The following PAX3 variants were observed in gnomAD, a reference collection of about 807,000 sequenced individuals.
The protein encoded by PAX3 is paired box 3, also known as paired box protein Pax-3.
A neutral mutation model predicts 51.6 loss-of-function variants in PAX3; 14 were observed. That is an observed-to-expected ratio of 0.27 (90% CI 0.18 to 0.42). The LOEUF is 0.42. PAX3 is among the 10% of genes least tolerant of loss of function. The pLI is 1.00. For missense variants in PAX3, 540 were observed against 642.8 expected (o/e 0.84, Z 1.73); for synonymous variants, 280 against 253.4 (o/e 1.11, Z -1.00).
intron 7 of PAX3, among the ~76,000 whole-genome samples, chr2:222,215,059 A>C (rs1195127171): frequency 6.6e-6 from 1 of 152,178 alleles, no homozygotes; most frequent in Non-Finnish European, 1.5e-5. Context: ...AGAGGAACTC[A>C]AAATTTATGG....
rs914699594 is a variant in PAX3 at position 222,269,958 on chromosome 2, G to A, written c.586+24209C>T. 2.6e-5 allele frequency among the ~76,000 whole-genome samples: 4 copies of A among 152,152 alleles called. No individual in the cohort carries two copies. In the South Asian group the frequency reaches 8.3e-4, roughly 32 times the overall value. Reference sequence around the variant, plus strand: ...AAGAATTTAGTTCGAGCCTAAAATAGTAAAACTGTATCTCTCTATCTACAC... The same window carrying A: ...AAGAATTTAGTTCGAGCCTAAAATAATAAAACTGTATCTCTCTATCTACAC... On this transcript the variant is annotated intron_variant, in intron 4 of 8. Transcript: ENST00000392070.
At chr2:222,269,028 T>C (rs1332248743) in intron 4 of PAX3, among the ~76,000 whole-genome samples, 2 of 152,216 alleles carry the variant, frequency 1.3e-5, no homozygotes, top group Non-Finnish European at 2.9e-5. Context: ...TTCCAGTTAC[T>C]GCTTTTCCCA....
chr2:222,256,008 A>T (rs893430713), intron 4 of PAX3, among the ~76,000 whole-genome samples: 2 of 140,890 alleles, frequency 1.4e-5, no homozygotes, highest in Non-Finnish European at 3.0e-5. Context: ...TGACCTCGTG[A>T]TCTGCCCGCT....
rs1691264521 is a variant in PAX3 at position 222,200,996 on chromosome 2, ACAG to A, written c.*409_*411del. ...TTAGGGTATTCTATTATATTTTAGA[ACAG>A]TCTGCTTGCCCAAACCAGTCTGGGT... On this transcript the variant is annotated 3_prime_UTR_variant, in exon 9 of 9. Coordinates refer to ENST00000392070, the MANE Select transcript of PAX3 (RefSeq NM_181458.4). The A allele has an allele frequency of 1.5e-6, 1 of 651,320 alleles. No homozygotes were observed. Among genetic ancestry groups the A allele is most frequent in the Admixed American group, 2.5e-5 (1 of 39,774 alleles). 40.3% of individuals were successfully genotyped at this position (651,320 alleles called of 1,614,324 possible). A position where few individuals can be genotyped will look rare whatever the true frequency, so the allele number is the denominator to read the frequency against.
chr2:222,209,110 C>T (rs1161453139), intron 7 of PAX3, among the ~76,000 whole-genome samples: 1 of 152,124 alleles, frequency 6.6e-6, no homozygotes. Flanking sequence ...TCCCATTTCC[C>T]TAAAAGTTTT....
intron 4 of PAX3, among the ~76,000 whole-genome samples, chr2:222,247,929 A>T (rs45509098): frequency 0.018 from 2,689 of 152,224 alleles, 31 homozygotes; most frequent in Middle Eastern, 0.092. Context: ...TGAGTTGGAT[A>T]TTATCTTTGT....
intron 4 of PAX3, among the ~76,000 whole-genome samples, chr2:222,274,409 A>T (rs1694350263): frequency 6.6e-6 from 1 of 152,010 alleles, no homozygotes; most frequent in Admixed American, 6.5e-5. Context: ...AATTTTTTAA[A>T]ATCTCTTTTA....
At chr2:222,276,761 A>AAGGGC (rs764636475) in intron 4 of PAX3, among the ~76,000 whole-genome samples, 1 of 152,176 alleles carries the variant, frequency 6.6e-6, no homozygotes, top group Non-Finnish European at 1.5e-5. Context: ...TCCTCCAATT[A>AAGGGC]AGGGTTTTGC....
At chr2:222,210,008 C>T (rs184470370) in intron 7 of PAX3, among the ~76,000 whole-genome samples, 168 of 152,274 alleles carry the variant, frequency 1.1e-3, no homozygotes, top group African/African-American at 3.8e-3. Context: ...AAGCTAAAAT[C>T]GTATTTACCT....
At chr2:222,278,675 G>C (rs903839771) in intron 4 of PAX3, among the ~76,000 whole-genome samples, 1 of 152,162 alleles carries the variant, frequency 6.6e-6, no homozygotes, top group East Asian at 1.9e-4. Flanking sequence ...TTGTGCCCTA[G>C]CAGGTCCTGC....
At chr2:222,203,465 G>A (rs879759332) in intron 7 of PAX3, among the ~76,000 whole-genome samples, 2 of 152,062 alleles carry the variant, frequency 1.3e-5, no homozygotes, top group Non-Finnish European at 2.9e-5. Flanking sequence ...TCTTATTTTA[G>A]GAAGTGTGAA....
chr2:222,277,458 G>T (rs926190869), intron 4 of PAX3, among the ~76,000 whole-genome samples: 1 of 152,062 alleles, frequency 6.6e-6, no homozygotes, highest in Non-Finnish European at 1.5e-5. Flanking sequence ...TTTTCTAGAC[G>T]CTCATACTCC....
intron 4 of PAX3, among the ~76,000 whole-genome samples, chr2:222,287,193 A>G (rs995467761): frequency 6.6e-6 from 1 of 152,248 alleles, no homozygotes; most frequent in Non-Finnish European, 1.5e-5. Flanking sequence ...GGACAAAACT[A>G]TCTTTCCCAA....
intron 4 of PAX3, among the ~76,000 whole-genome samples, chr2:222,237,792 A>G (rs1286196928): frequency 6.6e-6 from 1 of 152,188 alleles, no homozygotes. Context: ...TTATATCTTT[A>G]TTAAAGTTTT....
intron 2 of PAX3, among the ~76,000 whole-genome samples, chr2:222,296,739 A>T (rs1695317646): frequency 6.6e-6 from 1 of 152,208 alleles, no homozygotes; most frequent in Non-Finnish European, 1.5e-5. Context: ...TATGGGCTTT[A>T]AAAAACAGAT....
At chr2:222,231,967 G>T in intron 5 of PAX3, 111 bp downstream of exon 5, 2 of 918,026 alleles carry the variant, frequency 2.2e-6, no homozygotes, top group Non-Finnish European at 3.6e-6. Context: ...CCTAGTAAAG[G>T]GCCATTCCTA....
intron 6 of PAX3, among the ~76,000 whole-genome samples, chr2:222,220,831 TAACA>T (rs1306083288): frequency 1.3e-5 from 2 of 152,250 alleles, no homozygotes; most frequent in African/African-American, 2.4e-5. Flanking sequence ...CTCTGTGTGC[TAACA>T]AATAATGACT....
intron 2 of PAX3, among the ~76,000 whole-genome samples, chr2:222,296,549 T>C (rs1559319609): frequency 6.6e-6 from 1 of 151,348 alleles, no homozygotes; most frequent in African/African-American, 2.4e-5. Context: ...GAGGGCGGGG[T>C]TTGGGAGACA....
chr2:222,292,289 A>G (rs557595944), intron 4 of PAX3, among the ~76,000 whole-genome samples: 1 of 152,234 alleles, frequency 6.6e-6, no homozygotes, highest in South Asian at 2.1e-4. Context: ...TTCTCCTTGA[A>G]TTATAAAAAG....
Sources: allele counts gnomAD v4.1 joint callset (sites outside exome capture counted in the v4.1 genomes callset), GRCh38; gene constraint gnomAD v4.1.1; transcripts MANE v1.5; gene names NCBI Gene and HGNC (gene_info 2026-07-23, HGNC 2026-07-21).